The following PRG4 variants were observed in gnomAD, a reference collection of about 807,000 sequenced individuals.
The protein encoded by PRG4 is proteoglycan 4, also known as articular superficial zone protein.
A neutral mutation model predicts 91.2 loss-of-function variants in PRG4; 61 were observed. That is an observed-to-expected ratio of 0.67 (90% CI 0.54 to 0.83). The LOEUF (loss-of-function observed/expected upper bound fraction) is 0.83. Ranked by LOEUF, PRG4 falls within the 40% of genes least tolerant of loss-of-function variation. The pLI, the probability that PRG4 is intolerant of heterozygous loss-of-function variation, is 0.00. For missense variants in PRG4, 1,564 were observed against 1,714.2 expected, an observed-to-expected ratio of 0.91 and a Z score of 1.55; for synonymous variants, 576 against 614.2, an observed-to-expected ratio of 0.94 and a Z score of 0.92.
rs1404020184 is a variant in PRG4, at chr1:186,307,881, C to T, written c.2162C>T (p.Ala721Val). 1 of 1,611,056 alleles carries T rather than the reference C, an allele frequency of 6.2e-7. No individual in the cohort carries two copies. The change falls in exon 7 of 13, where the codon GCA becomes GTA. Residue 721 changes from alanine to valine, a missense_variant. Physicochemically the swap from Ala to Val is moderately conservative, Grantham distance 64. Around this residue, in one of 3 missense-constraint regions of PRG4, gnomAD observed 1,079 missense variants for 1,162.2 expected, o/e 0.93. Transcript: ENST00000445192. Reference sequence around the variant, plus strand: ...GCTCCAACTACCCTCAAGGAACCTGCACCCACTACTCCCAAGAAGCCTGCC... The same window carrying T: ...GCTCCAACTACCCTCAAGGAACCTGTACCCACTACTCCCAAGAAGCCTGCC... The part of the protein sequence containing the change: ...GTAPTTLKEP[A>V]PTTPKKPAPK...
intron 2 of PRG4, among the ~76,000 whole-genome samples, chr1:186,299,700 A>C (rs1656078769): frequency 6.6e-6 from 1 of 152,180 alleles, no homozygotes; most frequent in African/African-American, 2.4e-5. Flanking sequence ...TCCTGGAAAC[A>C]TTTTCATAAG....
rs910974224 is a variant in PRG4 at position 186,312,210 on chromosome 1, C to G, written c.3829C>G (p.Pro1277Ala). The change falls in exon 11 of 13, where the codon CCT (proline) becomes GCT (alanine). Residue 1277 changes from proline (P) to alanine (A), a missense_variant. Physicochemically the swap from Pro to Ala is conservative, Grantham distance 27 (BLOSUM62 -1). Transcript: ENST00000445192. ...SIQQYIYKQE[P>A]VQKCPGRRPA... is the part of the protein sequence containing the mutation. ...TCAGCAGTATATTTATAAACAGGAA[C>G]CTGTACAGAAGTGCCCTGGAAGAAG... The G allele has an allele frequency of 1.1e-5, 17 of 1,613,734 alleles. No individual in the cohort carries two copies. The highest frequency in any genetic ancestry group is 1.4e-5 in the Non-Finnish European group (16 of 1,179,894).
rs142442607 is a variant in PRG4, at chr1:186,305,674, C to T, written c.599-644C>T. On this transcript the variant is annotated intron_variant, in intron 6 of 12. Coordinates refer to ENST00000445192, the MANE Select transcript of PRG4 (RefSeq NM_005807.6). ...GTCACCCAGAAAATCGTGCAGGAAG[C>T]CACCCTTGGGCTTTGTAGTCCACAT... 3.1e-3 allele frequency among the ~76,000 whole-genome samples: 466 copies of T among 152,294 alleles called. 4 individuals carry two copies. The highest frequency in any genetic ancestry group is 0.011 in the African/African-American group (454 of 41,548).
chr1:186,304,734 G>A (rs1656435530), intron 5 of PRG4, 60 bp from the exon 6 acceptor site: 1 of 1,557,590 alleles, frequency 6.4e-7, no homozygotes. Flanking sequence ...GTTTAGACTG[G>A]TGGTTCTTTT....
At chr1:186,301,030 T>C (rs1656181352) in intron 3 of PRG4, among the ~76,000 whole-genome samples, 1 of 152,182 alleles carries the variant, frequency 6.6e-6, no homozygotes, top group Non-Finnish European at 1.5e-5. Context: ...TAGTCCTCCC[T>C]AACATAGTCC....
chr1:186,309,843 C>T lies in PRG4; in HGVS notation c.3472C>T (p.Arg1158Cys), dbSNP rs749001556. The T allele has an allele frequency of 5.6e-6, 9 of 1,613,410 alleles. No individual in the cohort carries two copies. The highest frequency in any genetic ancestry group is 5.0e-5 in the Admixed American group (3 of 59,990). The change falls in exon 8 of 13, where the codon CGC becomes TGC. Residue 1158 changes from arginine (R) to cysteine (C), a missense_variant. By Grantham distance (180) the Arg-to-Cys change is radical. Around this residue, in one of 3 missense-constraint regions of PRG4, gnomAD observed 1,079 missense variants for 1,162.2 expected, o/e 0.93. Transcript: ENST00000445192. ...GCCAGTAGATGGACTGACTACTTTG[C>T]GCAATGGGACATTAGTTGCATTCCG... Reference protein sequence around the residue: ...GKPVDGLTTLRNGTLVAFRGH... With the variant: ...GKPVDGLTTLCNGTLVAFRGH...
chr1:186,312,333 A>G lies in PRG4; in HGVS notation c.3952A>G (p.Ile1318Val). 1 of 1,609,914 alleles carries G rather than the reference A, an allele frequency of 6.2e-7. No homozygotes were observed. The highest frequency in any genetic ancestry group is 8.5e-7 in the Non-Finnish European group (1 of 1,178,592). ...IGPSQTHTIR[I>V]QYSPARLAYQ... ...ACCTTCTCAAACACACACCATCAGA[A>G]TTCAATATTCACCTGCCAGACTGGC... Residue 1318 changes from isoleucine to valine, a missense_variant, in exon 11 of 13, where the codon ATT (isoleucine) becomes GTT (valine). Coordinates refer to ENST00000445192, the MANE Select transcript of PRG4 (RefSeq NM_005807.6).
chr1:186,297,675 G>T (rs1212195604), intron 2 of PRG4, among the ~76,000 whole-genome samples: 1 of 152,108 alleles, frequency 6.6e-6, no homozygotes, highest in Non-Finnish European at 1.5e-5. Context: ...CCAAGCTTTG[G>T]ATTTTTCTTT....
chr1:186,301,118 A>T (rs1255643818), intron 3 of PRG4, among the ~76,000 whole-genome samples: 1 of 152,146 alleles, frequency 6.6e-6, no homozygotes, highest in East Asian at 1.9e-4. Context: ...TGCATTACAA[A>T]TGATTTTTAA....
chr1:186,300,568 T>C (rs1003069263), intron 3 of PRG4, among the ~76,000 whole-genome samples: 7 of 152,194 alleles, frequency 4.6e-5, no homozygotes, highest in South Asian at 4.1e-4. Flanking sequence ...GGAGTAATTA[T>C]TTACAATCAG....
At chr1:186,298,655 T>C (rs913376668) in intron 2 of PRG4, among the ~76,000 whole-genome samples, 1 of 151,928 alleles carries the variant, frequency 6.6e-6, no homozygotes, top group Non-Finnish European at 1.5e-5. Context: ...CATGCCCGGT[T>C]AATTTTTGTA....
chr1:186,311,434 T>C lies in PRG4; in HGVS notation c.3637-6T>C. 1 of 1,612,154 alleles carries C rather than the reference T, an allele frequency of 6.2e-7. No individual in the cohort carries two copies. Among genetic ancestry groups the C allele is most frequent in the Non-Finnish European group, 8.5e-7 (1 of 1,178,440 alleles). On this transcript the variant is annotated splice_region_variant and splice_polypyrimidine_tract_variant and intron_variant, in intron 9 of 12. Transcript: ENST00000445192. ...GATAACATAATTTTCTCTTTTAAAT[T>C]ATCAGGATTCTCAGTACTGGCGTTT...
At chr1:186,300,756 A>G (rs1197318023) in intron 3 of PRG4, among the ~76,000 whole-genome samples, 1 of 152,204 alleles carries the variant, frequency 6.6e-6, no homozygotes, top group Non-Finnish European at 1.5e-5. Context: ...TAAAATCTGA[A>G]GGTCTGAATT....
chr1:186,301,893 GC>G (rs2102012764), intron 4 of PRG4, among the ~76,000 whole-genome samples, 182 bp downstream of exon 4: 2 of 152,318 alleles, frequency 1.3e-5, no homozygotes, highest in African/African-American at 4.8e-5. Flanking sequence ...CCTTCCAACA[GC>G]AGAACCCCCA....
chr1:186,312,932 T>A, intron 12 of PRG4, 38 bp downstream of exon 12: 1 of 1,585,864 alleles, frequency 6.3e-7, no homozygotes. Flanking sequence ...GGAGGTGATA[T>A]CATTTGTGAA....
chr1:186,313,828 T>G lies in PRG4; in HGVS notation c.*50T>G. 6.6e-7 allele frequency: 1 copy of G among 1,509,168 alleles called. No homozygotes were observed. Among genetic ancestry groups the G allele is most frequent in the South Asian group, 1.1e-5 (1 of 88,896 alleles). 93.5% of individuals were successfully genotyped at this position (1,509,168 alleles called of 1,614,324 possible). A position where few individuals can be genotyped will look rare whatever the true frequency, so the allele number is the denominator to read the frequency against. On this transcript the variant is annotated 3_prime_UTR_variant, in exon 13 of 13. Coordinates refer to ENST00000445192, the MANE Select transcript of PRG4 (RefSeq NM_005807.6). The stretch of plus-strand genomic sequence containing the variant: ...CTAATGAAGAAATGAATAATAAATT[T>G]TGACACTGAAAAACATTTTATTAAT...
Position 186,314,428 on chromosome 1 carries a change from A to G in PRG4, c.*650A>G, listed in dbSNP as rs1657519099. Reference sequence around the variant, plus strand: ...ATCAATAAATATAAAATATAAGCACATATTTATTATATATCTAAGGTATAC... The same window carrying G: ...ATCAATAAATATAAAATATAAGCACGTATTTATTATATATCTAAGGTATAC... On this transcript the variant is annotated 3_prime_UTR_variant, in exon 13 of 13. Transcript: ENST00000445192. 5.2e-6 allele frequency: 2 copies of G among 385,634 alleles called. No individual in the cohort carries two copies. The highest frequency in any genetic ancestry group is 9.2e-6 in the Non-Finnish European group (2 of 217,752). The allele number at this position is 385,634 out of a possible 1,614,324, so 23.9% of individuals were successfully genotyped here. A position where few individuals can be genotyped will look rare whatever the true frequency, so the allele number is the denominator to read the frequency against.
At chr1:186,296,992 G>T (rs1281321667) in intron 2 of PRG4, 41 bp downstream of exon 2, 18 of 1,508,796 alleles carry the variant, frequency 1.2e-5, no homozygotes, top group Non-Finnish European at 1.7e-5. Flanking sequence ...AACAACTATT[G>T]CTAATCATTC....
chr1:186,311,384 G>C, intron 9 of PRG4, 56 bp from the exon 10 acceptor site: 1 of 1,562,548 alleles, frequency 6.4e-7, no homozygotes, highest in South Asian at 1.1e-5. Context: ...CTAGAAAGGA[G>C]TTCCAAATCT....
Sources: allele counts gnomAD v4.1 joint callset (sites outside exome capture counted in the v4.1 genomes callset), GRCh38; gene constraint gnomAD v4.1.1; regional missense constraint gnomAD v4.1.1; transcripts MANE v1.5; gene names NCBI Gene and HGNC (gene_info 2026-07-23, HGNC 2026-07-21).